Variants in MAGI1 observed in about 807,000 individuals in gnomAD.
MAGI1 encodes the protein membrane associated guanylate kinase, WW and PDZ domain containing 1.
MAGI1 carries 58 observed loss-of-function variants against 139.9 expected under a neutral mutation model. The observed-to-expected ratio is 0.41, with a 90% CI of 0.34 to 0.52. The LOEUF (loss-of-function observed/expected upper bound fraction) is 0.52. Among genes scored for constraint, MAGI1 ranks in the 20% least tolerant of loss-of-function variants. MAGI1 has a pLI of 0.12. For missense variants in MAGI1, 1,874 were observed against 1,901.6 expected, an observed-to-expected ratio of 0.99 and a Z score of 0.27; for synonymous variants, 812 against 737.9, an observed-to-expected ratio of 1.10 and a Z score of -1.63.
At chr3:65,994,839 A>G (rs919925255) in intron 1 of MAGI1, among the ~76,000 whole-genome samples, 5 of 152,216 alleles carry the variant, frequency 3.3e-5, no homozygotes, top group African/African-American at 1.2e-4. Flanking sequence ...CACTGAGGCT[A>G]TCTAGCCAAC....
intron 1 of MAGI1, among the ~76,000 whole-genome samples, chr3:65,630,502 T>C (rs1474846778): frequency 2.0e-5 from 3 of 152,142 alleles, no homozygotes; most frequent in East Asian, 3.9e-4. Context: ...TAATGAAAAA[T>C]GTGATATCTA....
At chr3:65,770,549 G>T (rs1055331085) in intron 1 of MAGI1, among the ~76,000 whole-genome samples, 5 of 152,188 alleles carry the variant, frequency 3.3e-5, no homozygotes, top group African/African-American at 1.2e-4. Context: ...TGTGCCTCAA[G>T]TGTTTCTCAA....
intron 1 of MAGI1, among the ~76,000 whole-genome samples, chr3:65,940,374 C>G (rs995497709): frequency 6.6e-6 from 1 of 152,208 alleles, no homozygotes; most frequent in Non-Finnish European, 1.5e-5. Flanking sequence ...AGGCTGAAGT[C>G]TAAGATCAGG....
At chr3:65,786,083 G>A (rs1283376533) in intron 1 of MAGI1, among the ~76,000 whole-genome samples, 1 of 151,694 alleles carries the variant, frequency 6.6e-6, no homozygotes, top group African/African-American at 2.4e-5. Context: ...AGCCTCCCGA[G>A]TAGCTGGGAT....
At chr3:65,532,623 G>T (rs1424265610) in intron 2 of MAGI1, 1 of 152,198 alleles carries the variant, frequency 6.6e-6, no homozygotes, top group African/African-American at 2.4e-5. Context: ...CAAGCTTGGA[G>T]CGTGTGTTTG....
chr3:65,982,090 A>T (rs1323068493), intron 1 of MAGI1, among the ~76,000 whole-genome samples: 2 of 152,186 alleles, frequency 1.3e-5, no homozygotes, highest in Non-Finnish European at 2.9e-5. Flanking sequence ...TGTAACTTAA[A>T]ATAAAACAGT....
chr3:65,713,712 C>A (rs924639405), intron 1 of MAGI1, among the ~76,000 whole-genome samples: 7 of 152,150 alleles, frequency 4.6e-5, no homozygotes, highest in African/African-American at 1.2e-4. Context: ...TGTATTCATT[C>A]AGTAAGTATT....
intron 18 of MAGI1, among the ~76,000 whole-genome samples, chr3:65,375,203 T>C (rs1019122873): frequency 2.0e-5 from 3 of 151,420 alleles, no homozygotes; most frequent in Non-Finnish European, 3.0e-5. Context: ...TTTTTTTTTT[T>C]TTTGAGATGG....
chr3:65,515,119 T>C (rs1414106592), intron 2 of MAGI1, among the ~76,000 whole-genome samples: 2 of 119,286 alleles, frequency 1.7e-5, no homozygotes, highest in East Asian at 2.7e-4. Context: ...TGAGATCACA[T>C]GGACACAGGA....
At chr3:65,888,793 C>T (rs2060628351) in intron 1 of MAGI1, among the ~76,000 whole-genome samples, 2 of 152,106 alleles carry the variant, frequency 1.3e-5, no homozygotes, top group African/African-American at 2.4e-5. Context: ...CAATTCAATG[C>T]TCCCAAAAAC....
At chr3:65,791,685 C>T (rs769131419) in intron 1 of MAGI1, among the ~76,000 whole-genome samples, 12 of 152,012 alleles carry the variant, frequency 7.9e-5, no homozygotes, top group African/African-American at 1.9e-4. Flanking sequence ...AGGAGGTAAA[C>T]GTTCTTATTG....
In MAGI1 at chr3:65,869,367, TTTGTTGTTGTTGTTGTTG is replaced by T. The variant is rs200952901; in HGVS notation, c.313+168611_313+168628del. Among the ~76,000 whole-genome samples, 1,129 of 118,920 alleles carry T rather than the reference TTTGTTGTTGTTGTTGTTG, an allele frequency of 9.5e-3. 7 individuals are homozygous for T. Among genetic ancestry groups the T allele is most frequent in the Middle Eastern group, 0.043 (9 of 210 alleles). The allele number at this position is 118,920 out of a possible 152,430, so 78.0% of individuals were successfully genotyped here. A position where few individuals can be genotyped will look rare whatever the true frequency, so the allele number is the denominator to read the frequency against. ...CAGATCCCAAAGGCAAGACTGGTTT[TTTGTTGTTGTTGTTGTTG>T]TTGTTGTTGTTGTTGTTGTTGTTGT... On this transcript the variant is annotated intron_variant, in intron 1 of 22. Coordinates refer to ENST00000402939, the MANE Select transcript of MAGI1 (RefSeq NM_001033057.2).
chr3:65,781,941 G>C (rs752130595), intron 1 of MAGI1, among the ~76,000 whole-genome samples: 7 of 152,190 alleles, frequency 4.6e-5, no homozygotes, highest in African/African-American at 1.7e-4. Flanking sequence ...AAACAGACTC[G>C]CTGGTAAACA....
intron 1 of MAGI1, among the ~76,000 whole-genome samples, chr3:66,019,885 T>C (rs546874285): frequency 1.3e-5 from 2 of 152,084 alleles, no homozygotes; most frequent in South Asian, 2.1e-4. Context: ...ATCTATTCCA[T>C]GGCTTCTCTC....
chr3:65,709,549 G>A (rs754484705), intron 1 of MAGI1, among the ~76,000 whole-genome samples: 2 of 152,176 alleles, frequency 1.3e-5, no homozygotes, highest in Non-Finnish European at 2.9e-5. Context: ...TTTTGGGAAA[G>A]CAAAGATACC....
intron 12 of MAGI1, among the ~76,000 whole-genome samples, chr3:65,415,887 T>C (rs1946178290): frequency 6.6e-6 from 1 of 152,186 alleles, no homozygotes; most frequent in Non-Finnish European, 1.5e-5. Context: ...CTCCTTTAGT[T>C]ACCAAAGTCT....
At chr3:65,483,505 A>G (rs1001901685) in intron 3 of MAGI1, among the ~76,000 whole-genome samples, 9 of 152,246 alleles carry the variant, frequency 5.9e-5, no homozygotes, top group Non-Finnish European at 2.9e-5. Flanking sequence ...TACAGACAGT[A>G]TGCGCGACTT....
At chr3:65,681,383 C>A (rs982210153) in intron 1 of MAGI1, among the ~76,000 whole-genome samples, 2 of 152,164 alleles carry the variant, frequency 1.3e-5, no homozygotes, top group Admixed American at 6.5e-5. Flanking sequence ...CTAAATGACA[C>A]TGAAAGATAA....
rs547578423 is a variant in MAGI1, at chr3:65,692,112, A to T, written c.314-70024T>A. ...GTATAGGTATATAAGACCTTTTTTT[A>T]AAAAAAAAATGTGATCTGGACATTC... On this transcript the variant is annotated intron_variant, in intron 1 of 22. Coordinates refer to ENST00000402939, the MANE Select transcript of MAGI1 (RefSeq NM_001033057.2). 6.9e-3 allele frequency among the ~76,000 whole-genome samples: 1,029 copies of T among 150,212 alleles called. 11 individuals carry two copies. The highest frequency in any genetic ancestry group is 0.024 in the African/African-American group (967 of 41,092).
Sources: gnomAD v4.1 joint callset for allele counts (sites outside exome capture counted in the v4.1 genomes callset) on GRCh38, gnomAD v4.1.1 for gene constraint, MANE v1.5 for transcripts, NCBI Gene and HGNC (gene_info 2026-07-23, HGNC 2026-07-21) for gene names.